AGBL4: variants seen among roughly 807,000 people sequenced by gnomAD.
The protein encoded by AGBL4 is AGBL carboxypeptidase 4.
A neutral mutation model predicts 66.4 loss-of-function variants in AGBL4; 58 were observed. The observed-to-expected ratio is 0.87, with a 90% CI of 0.71 to 1.09. AGBL4 has a LOEUF of 1.09. AGBL4 is among the 50% of genes least tolerant of loss of function. The probability of loss-of-function intolerance (pLI) is 0.00; values close to 1 mark genes in which losing one functional copy is unlikely to be tolerated. For synonymous variants in AGBL4, 234 were observed against 222.9 expected, an observed-to-expected ratio of 1.05 and a Z score of -0.44; for missense variants, 579 against 631.0, an observed-to-expected ratio of 0.92 and a Z score of 0.88.
At chr1:49,806,349 C>G (rs556993920) in intron 2 of AGBL4, among the ~76,000 whole-genome samples, 1 of 152,072 alleles carries the variant, frequency 6.6e-6, no homozygotes. Context: ...GTGTCTGTGT[C>G]CTAGTATTTT....
chr1:48,832,174 A>T (rs182042049), intron 6 of AGBL4, among the ~76,000 whole-genome samples: 142 of 152,308 alleles, frequency 9.3e-4, no homozygotes, highest in Middle Eastern at 6.8e-3. Flanking sequence ...AGCCCTTGGC[A>T]CTGAAGGTGG....
At chr1:49,818,383 T>C (rs1645285190) in intron 2 of AGBL4, among the ~76,000 whole-genome samples, 1 of 136,176 alleles carries the variant, frequency 7.3e-6, no homozygotes, top group African/African-American at 2.8e-5. Context: ...TTTTTTTTTT[T>C]GAGATGAGGT....
chr1:49,438,107 C>T (rs542923967), intron 3 of AGBL4, among the ~76,000 whole-genome samples: 1 of 152,122 alleles, frequency 6.6e-6, no homozygotes, highest in Non-Finnish European at 1.5e-5. Context: ...CTCCATTTTA[C>T]ATGTGAGGAA....
In AGBL4 at chr1:49,135,791, C is replaced by T. The variant is rs150550952; in HGVS notation, c.378-89991G>A. Among the ~76,000 whole-genome samples the T allele has an allele frequency of 1.4e-3, 214 of 152,206 alleles. 1 individual carries two copies. Among genetic ancestry groups the T allele is most frequent in the African/African-American group, 5.0e-3 (208 of 41,534 alleles). ...TAAACCCACAACCTTCCAGCTTGGGCGTTAGGGACATTATGAACATGTTAC... is the reference window on the plus strand; with the variant it reads ...TAAACCCACAACCTTCCAGCTTGGGTGTTAGGGACATTATGAACATGTTAC... On this transcript the variant is annotated intron_variant, in intron 4 of 13. Coordinates refer to ENST00000371839, the MANE Select transcript of AGBL4 (RefSeq NM_032785.4).
chr1:49,131,775 T>G (rs1645901489), intron 4 of AGBL4, among the ~76,000 whole-genome samples: 1 of 152,098 alleles, frequency 6.6e-6, no homozygotes, highest in Non-Finnish European at 1.5e-5. Context: ...AGAATAATGT[T>G]CTAATTTCTG....
chr1:48,889,916 GAAC>G (rs1650762150), intron 5 of AGBL4, among the ~76,000 whole-genome samples: 1 of 152,058 alleles, frequency 6.6e-6, no homozygotes, highest in African/African-American at 2.4e-5. Flanking sequence ...GAACTTCTGA[GAAC>G]AACATGAGGC....
At chr1:48,947,157 C>A (rs1656585587) in intron 5 of AGBL4, among the ~76,000 whole-genome samples, 2 of 152,236 alleles carry the variant, frequency 1.3e-5, no homozygotes, top group African/African-American at 4.8e-5. Flanking sequence ...GCTCAAAAGT[C>A]ACTTTGTCAG....
chr1:49,034,702 G>A (rs1021777036), intron 5 of AGBL4, among the ~76,000 whole-genome samples: 30 of 151,982 alleles, frequency 2.0e-4, no homozygotes, highest in African/African-American at 6.3e-4. Flanking sequence ...TTTATAAGGG[G>A]CTTTCCCTCC....
intron 4 of AGBL4, among the ~76,000 whole-genome samples, chr1:49,222,043 C>G (rs995263514): frequency 3.9e-5 from 6 of 152,124 alleles, no homozygotes; most frequent in Admixed American, 1.3e-4. Flanking sequence ...CATTTAATTG[C>G]AAGAACCATT....
At chr1:49,390,378 T>G (rs1330582664) in intron 3 of AGBL4, among the ~76,000 whole-genome samples, 1 of 152,200 alleles carries the variant, frequency 6.6e-6, no homozygotes, top group Non-Finnish European at 1.5e-5. Flanking sequence ...TAGGAAAAAC[T>G]GCATTTCATT....
chr1:48,989,713 T>A (rs1361040915), intron 5 of AGBL4, among the ~76,000 whole-genome samples: 1 of 152,226 alleles, frequency 6.6e-6, no homozygotes, highest in Non-Finnish European at 1.5e-5. Context: ...AATCTCATTC[T>A]TTTTATGGTT....
At chr1:49,295,668 C>G (rs1644629950) in intron 3 of AGBL4, among the ~76,000 whole-genome samples, 1 of 152,100 alleles carries the variant, frequency 6.6e-6, no homozygotes, top group Admixed American at 6.6e-5. Flanking sequence ...TCTATTACCC[C>G]AGAAAACACT....
intron 3 of AGBL4, among the ~76,000 whole-genome samples, chr1:49,248,594 T>C (rs1277704604): frequency 6.6e-6 from 1 of 152,196 alleles, no homozygotes; most frequent in Non-Finnish European, 1.5e-5. Context: ...GAATCCCAGT[T>C]CCCTACACGT....
At chr1:48,874,872 C>T (rs1043744540) in intron 5 of AGBL4, among the ~76,000 whole-genome samples, 3 of 152,152 alleles carry the variant, frequency 2.0e-5, no homozygotes, top group Admixed American at 2.0e-4. Flanking sequence ...CCATTCTGTG[C>T]ACCACCACCT....
intron 4 of AGBL4, among the ~76,000 whole-genome samples, chr1:49,103,050 T>C (rs1420458258): frequency 6.6e-6 from 1 of 152,184 alleles, no homozygotes; most frequent in Non-Finnish European, 1.5e-5. Context: ...TCTACATAGC[T>C]CAGCTTAAGA....
chr1:49,599,186 T>A (rs1644907079), intron 3 of AGBL4, among the ~76,000 whole-genome samples: 1 of 152,210 alleles, frequency 6.6e-6, no homozygotes, highest in South Asian at 2.1e-4. Flanking sequence ...TGGTAACAGC[T>A]CCTCTTTGTA....
chr1:49,577,059 A>G (rs1558069021), intron 3 of AGBL4, among the ~76,000 whole-genome samples: 1 of 152,232 alleles, frequency 6.6e-6, no homozygotes, highest in Non-Finnish European at 1.5e-5. Flanking sequence ...GTTTGGAAGC[A>G]TGATCAGGGA....
chr1:48,706,086 C>T (rs1425660202), intron 6 of AGBL4, among the ~76,000 whole-genome samples: 2 of 152,162 alleles, frequency 1.3e-5, no homozygotes, highest in Admixed American at 1.3e-4. Flanking sequence ...ATGTGCTTAA[C>T]TCCAGGGTAA....
chr1:49,303,388 T>G (rs1180300224), intron 3 of AGBL4, among the ~76,000 whole-genome samples: 1 of 152,164 alleles, frequency 6.6e-6, no homozygotes, highest in East Asian at 1.9e-4. Context: ...GGCTTTGATT[T>G]GCATTTCTCT....
Sources: allele counts gnomAD v4.1 joint callset (sites outside exome capture counted in the v4.1 genomes callset), GRCh38; gene constraint gnomAD v4.1.1; transcripts MANE v1.5; gene names NCBI Gene and HGNC (gene_info 2026-07-23, HGNC 2026-07-21).